Variants in LRP6 observed in about 807,000 individuals in gnomAD.
The protein encoded by LRP6 is LDL receptor related protein 6.
Under a neutral mutation model 184.1 loss-of-function variants are expected in LRP6, and 43 were observed. The ratio of observed to expected loss-of-function variants is 0.23; its 90% confidence interval spans 0.18 to 0.30. The LOEUF (loss-of-function observed/expected upper bound fraction) is 0.30, where lower values mean the gene tolerates loss of function less well. Among genes scored for constraint, LRP6 ranks in the 10% least tolerant of loss-of-function variants. The pLI is 1.00. For missense variants in LRP6, 1,571 were observed against 2,005.3 expected (o/e 0.78, Z 4.14); for synonymous variants, 719 against 684.9 (o/e 1.05, Z -0.78).
At chr12:12,140,816 C>G (rs1340997767) in intron 15 of LRP6, among the ~76,000 whole-genome samples, 2 of 152,038 alleles carry the variant, frequency 1.3e-5, no homozygotes, top group Non-Finnish European at 2.9e-5. Context: ...GGTGGCCAGG[C>G]TGGCCTTGAA....
At chr12:12,140,361 T>C (rs1949911453) in intron 15 of LRP6, among the ~76,000 whole-genome samples, 1 of 151,686 alleles carries the variant, frequency 6.6e-6, no homozygotes, top group Admixed American at 6.6e-5. Flanking sequence ...CCTCAGAAAG[T>C]ATAACAAAAA....
At chr12:12,236,608 A>C (rs1864938143) in intron 2 of LRP6, among the ~76,000 whole-genome samples, 1 of 152,112 alleles carries the variant, frequency 6.6e-6, no homozygotes, top group Non-Finnish European at 1.5e-5. Context: ...GTCCTAAAAG[A>C]CTGCCTCCAA....
chr12:12,201,316 T>C (rs965757508), intron 3 of LRP6, among the ~76,000 whole-genome samples: 1 of 152,188 alleles, frequency 6.6e-6, no homozygotes, highest in East Asian at 1.9e-4. Context: ...ATTTCAGTAG[T>C]TCCATTTTGA....
intron 2 of LRP6, among the ~76,000 whole-genome samples, chr12:12,220,445 C>T (rs1044473487): frequency 2.6e-5 from 4 of 152,150 alleles, no homozygotes; most frequent in Admixed American, 6.5e-5. Flanking sequence ...CAGTATAGTA[C>T]GTAGCACACT....
chr12:12,164,955 A>AAAAAAAAAAAG, intron 8 of LRP6, 124 bp downstream of exon 8: 4 of 528,558 alleles, frequency 7.6e-6, no homozygotes, highest in South Asian at 4.6e-5. Context: ...AAAAAAAAAA[A>AAAAAAAAAAAG]GGCGGGGGGG....
intron 7 of LRP6, among the ~76,000 whole-genome samples, chr12:12,179,423 C>A (rs10772538): frequency 7.0e-6 from 1 of 142,554 alleles, no homozygotes; most frequent in South Asian, 2.1e-4. Context: ...TATAGATATA[C>A]ACATACATGT....
At chr12:12,215,024 T>C (rs1332823986) in intron 2 of LRP6, among the ~76,000 whole-genome samples, 1 of 152,200 alleles carries the variant, frequency 6.6e-6, no homozygotes, top group African/African-American at 2.4e-5. Context: ...TTTTAGTCAC[T>C]CAGGGAGATG....
intron 10 of LRP6, 97 bp downstream of exon 10, chr12:12,162,096 G>GT: frequency 1.1e-6 from 1 of 936,342 alleles, no homozygotes; most frequent in South Asian, 1.4e-5. Context: ...TTCCTAATAC[G>GT]TATTATTTAA....
chr12:12,239,886 T>C (rs1314940489), intron 2 of LRP6, among the ~76,000 whole-genome samples: 1 of 151,938 alleles, frequency 6.6e-6, no homozygotes, highest in Non-Finnish European at 1.5e-5. Flanking sequence ...TGCTAGGAGA[T>C]ATGGAGCATA....
chr12:12,172,258 T>C (rs1863067004), intron 7 of LRP6, among the ~76,000 whole-genome samples: 1 of 152,220 alleles, frequency 6.6e-6, no homozygotes, highest in African/African-American at 2.4e-5. Context: ...TTCTGAAATA[T>C]TCTAAACCAC....
chr12:12,142,208 CA>C (rs1949944253), intron 15 of LRP6, among the ~76,000 whole-genome samples: 1 of 152,078 alleles, frequency 6.6e-6, no homozygotes, highest in African/African-American at 2.4e-5. Flanking sequence ...ATAATATTTA[CA>C]TGTATTACTT....
rs777827064 is a variant in LRP6 at position 12,181,202 on chromosome 12, G to A, written c.1214C>T (p.Pro405Leu). Residue 405 changes from proline (P) to leucine (L), a missense_variant, in exon 6 of 23, where the codon CCT becomes CTT. By Grantham distance (98) the Pro-to-Leu change is moderately conservative. Coordinates refer to ENST00000261349, the MANE Select transcript of LRP6 (RefSeq NM_002336.3). ...QFVVTAQIAH[P>L]DGIAVDWVAR... ...AACCCAGTCCACAGCAATACCATCA[G>A]GATGGGCAATTTGAGCAGTGACCAC... 1 of 1,614,032 alleles carries A rather than the reference G, an allele frequency of 6.2e-7. No individual in the cohort carries two copies. Among genetic ancestry groups the A allele is most frequent in the East Asian group, 2.2e-5 (1 of 44,894 alleles).
chr12:12,165,097 T>G lies in LRP6; in HGVS notation c.1744A>C (p.Asn582His). ...LPDLMGLKAT[N>H]VHRVIGSNPC... ...TACTCACCAATCACTCGATGAACAT[T>G]TGTAGCCTTTAGGCCCATGAGGTCA... Residue 582 changes from asparagine to histidine, a missense_variant, in exon 8 of 23, where the codon AAT (asparagine) becomes CAT (histidine). Asn to His is a moderately conservative substitution (Grantham distance 68). Around this residue, in one of 4 missense-constraint regions of LRP6, gnomAD observed 640 missense variants for 851.9 expected, o/e 0.75. Transcript: ENST00000261349. 1 of 1,613,876 alleles carries G rather than the reference T, an allele frequency of 6.2e-7. No individual in the cohort carries two copies. Among genetic ancestry groups the G allele is most frequent in the East Asian group, 2.2e-5 (1 of 44,878 alleles).
chr12:12,135,065 A>T, intron 17 of LRP6, 110 bp downstream of exon 17: 1 of 1,499,418 alleles, frequency 6.7e-7, no homozygotes, highest in African/African-American at 1.4e-5. Context: ...ACACGCAACC[A>T]ATTAAGTTAG....
rs371232503 is a variant in LRP6 at position 12,181,110 on chromosome 12, T to C, written c.1306A>G (p.Met436Val). The C allele has an allele frequency of 1.1e-5, 17 of 1,614,136 alleles. No homozygotes were observed. In the African/African-American group the frequency reaches 1.1e-4, roughly 10 times the overall value. The change falls in exon 6 of 23, where the codon ATG (methionine) becomes GTG (valine). Residue 436 changes from methionine (M) to valine (V), a missense_variant. Transcript: ENST00000261349. ...TCCTCTGAAATCAAGATCTTCCTCATGGTCCCATTGAGCCTTGTCACTTCT... is the reference window on the plus strand; with the variant it reads ...TCCTCTGAAATCAAGATCTTCCTCACGGTCCCATTGAGCCTTGTCACTTCT... ...RIEVTRLNGTMRKILISEDLE... is the reference protein window; with the variant it reads ...RIEVTRLNGTVRKILISEDLE...
chr12:12,164,430 G>C lies in LRP6; in HGVS notation c.1895C>G (p.Ala632Gly). 6.2e-7 allele frequency: 1 copy of C among 1,614,150 alleles called. No homozygotes were observed. Among genetic ancestry groups the C allele is most frequent in the Non-Finnish European group, 8.5e-7 (1 of 1,180,018 alleles). Residue 632 changes from alanine (A) to glycine (G), a missense_variant, in exon 9 of 23, where the codon GCT (alanine) becomes GGT (glycine). Physicochemically the swap from Ala to Gly is moderately conservative, Grantham distance 60. Transcript: ENST00000261349. ...TGCTCTCCGTGAAAACAAAAGGAAA[G>C]CCTCTGGGACAATGCAGGTCTTCAT... is the stretch of plus-strand genomic sequence containing the variant. ...SDMKTCIVPE[A>G]FLLFSRRADI...
At chr12:12,170,229 G>A (rs1862996463) in intron 7 of LRP6, among the ~76,000 whole-genome samples, 1 of 152,092 alleles carries the variant, frequency 6.6e-6, no homozygotes, top group South Asian at 2.1e-4. Context: ...CAGCTAGTCG[G>A]TAGGCTGAGG....
chr12:12,175,462 C>T (rs983662435), intron 7 of LRP6, among the ~76,000 whole-genome samples: 3 of 151,236 alleles, frequency 2.0e-5, no homozygotes, highest in South Asian at 2.1e-4. Flanking sequence ...AGCTGAGGCA[C>T]GCAGCTCCAG....
chr12:12,236,088 G>C (rs1039344136), intron 2 of LRP6, among the ~76,000 whole-genome samples: 1 of 151,874 alleles, frequency 6.6e-6, no homozygotes, highest in Non-Finnish European at 1.5e-5. Context: ...TTAGCCAGGC[G>C]TGGTGGCGGG....
Sources: allele counts gnomAD v4.1 joint callset (sites outside exome capture counted in the v4.1 genomes callset), GRCh38; gene constraint gnomAD v4.1.1; regional missense constraint gnomAD v4.1.1; transcripts MANE v1.5; gene names NCBI Gene and HGNC (gene_info 2026-07-23, HGNC 2026-07-21).